GRIK4: variants seen among roughly 807,000 people sequenced by gnomAD.
The protein encoded by GRIK4 is glutamate ionotropic receptor kainate type subunit 4.
In GRIK4, 40 loss-of-function variants were observed where a neutral mutation model predicts 104.9. That is an observed-to-expected ratio of 0.38 (90% CI 0.30 to 0.50). GRIK4 has a LOEUF of 0.50. Among genes scored for constraint, GRIK4 ranks in the 20% least tolerant of loss-of-function variants. GRIK4 has a pLI of 0.93. For synonymous variants in GRIK4, 485 were observed against 524.9 expected (o/e 0.92, Z 1.04); for missense variants, 1,047 against 1,308.1 (o/e 0.80, Z 3.08).
intron 11 of GRIK4, among the ~76,000 whole-genome samples, chr11:120,883,051 C>CTG (rs1955011616): frequency 6.6e-6 from 1 of 152,236 alleles, no homozygotes; most frequent in Admixed American, 6.5e-5. Context: ...GCTCCCTCTA[C>CTG]TGTAGCCTTT....
chr11:120,750,460 G>A (rs559826662), intron 3 of GRIK4, among the ~76,000 whole-genome samples: 83 of 146,650 alleles, frequency 5.7e-4, no homozygotes, highest in Admixed American at 1.6e-3. Flanking sequence ...TCCGCCTCCC[G>A]GATTCAAGTG....
intron 4 of GRIK4, among the ~76,000 whole-genome samples, chr11:120,814,049 A>G (rs1217598931): frequency 6.6e-6 from 1 of 152,066 alleles, no homozygotes; most frequent in Non-Finnish European, 1.5e-5. Flanking sequence ...CCCTCCTCTG[A>G]TTACACATCC....
intron 1 of GRIK4, among the ~76,000 whole-genome samples, chr11:120,628,472 C>T (rs1354176784): frequency 6.6e-6 from 1 of 152,228 alleles, no homozygotes; most frequent in Non-Finnish European, 1.5e-5. Context: ...AGACACCCAT[C>T]TGGGTAAAAA....
chr11:120,620,040 A>G, intron 1 of GRIK4: 1 of 617,800 alleles, frequency 1.6e-6, no homozygotes, highest in Non-Finnish European at 3.0e-6. Context: ...TGTGTGTAAA[A>G]TACGTGCATA....
In GRIK4 at chr11:120,967,029, T is replaced by C. The variant is rs971626031; in HGVS notation, c.2267-166T>C. ...CTCTTCCGGGGGAGCCCCAGTGGAG[T>C]AGACAGCACTGGCCCCATGGGCTCG... On this transcript the variant is annotated intron_variant, in intron 18 of 20. Transcript: ENST00000527524. The surrounding 1 kb of genome is among the most constrained non-coding windows in gnomAD (Gnocchi z 4.2). Among the ~76,000 whole-genome samples the C allele has an allele frequency of 1.3e-5, 2 of 151,856 alleles. No homozygotes were observed. Among genetic ancestry groups the C allele is most frequent in the African/African-American group, 4.8e-5 (2 of 41,324 alleles).
intron 19 of GRIK4, among the ~76,000 whole-genome samples, chr11:120,968,025 C>T (rs1358066798): frequency 6.6e-6 from 1 of 152,170 alleles, no homozygotes; most frequent in Non-Finnish European, 1.5e-5. Context: ...GTTTACTTTC[C>T]ACTTCCTCTA....
intron 1 of GRIK4, among the ~76,000 whole-genome samples, chr11:120,516,544 A>C (rs1947726968): frequency 1.3e-5 from 2 of 151,900 alleles, no homozygotes; most frequent in African/African-American, 4.8e-5. Flanking sequence ...GCCACCAAAC[A>C]GAGAAGGCTC....
At chr11:120,722,708 G>A (rs1241028043) in intron 3 of GRIK4, among the ~76,000 whole-genome samples, 2 of 152,150 alleles carry the variant, frequency 1.3e-5, no homozygotes, top group Admixed American at 6.5e-5. Flanking sequence ...AAAGGGACTG[G>A]AATTTCTTTC....
At chr11:120,740,676 T>C (rs940663248) in intron 3 of GRIK4, among the ~76,000 whole-genome samples, 1 of 152,210 alleles carries the variant, frequency 6.6e-6, no homozygotes, top group Non-Finnish European at 1.5e-5. Context: ...CCCCAGTCTC[T>C]GTGCTCCCAT....
At chr11:120,938,572 A>G (rs939913350) in intron 13 of GRIK4, among the ~76,000 whole-genome samples, 1 of 152,210 alleles carries the variant, frequency 6.6e-6, no homozygotes, top group African/African-American at 2.4e-5. Flanking sequence ...TACACAAATC[A>G]TAATTCCCTT....
At chr11:120,684,996 C>T (rs925694687) in intron 3 of GRIK4, among the ~76,000 whole-genome samples, 14 of 152,204 alleles carry the variant, frequency 9.2e-5, no homozygotes, top group Non-Finnish European at 4.4e-5. Context: ...CACACCTGGC[C>T]ATAAAGGTGC....
chr11:120,539,369 C>T (rs188205795), intron 1 of GRIK4, among the ~76,000 whole-genome samples: 9 of 152,328 alleles, frequency 5.9e-5, no homozygotes, highest in Admixed American at 2.6e-4. Context: ...CAAATGATAA[C>T]GATCCCTTAT....
At chr11:120,921,888 A>G (rs533607978) in intron 13 of GRIK4, among the ~76,000 whole-genome samples, 4 of 152,222 alleles carry the variant, frequency 2.6e-5, no homozygotes, top group African/African-American at 7.2e-5. Flanking sequence ...TAACACCCAC[A>G]CATCTATGGT....
chr11:120,546,999 T>C (rs1439513114), intron 1 of GRIK4, among the ~76,000 whole-genome samples: 1 of 152,242 alleles, frequency 6.6e-6, no homozygotes, highest in African/African-American at 2.4e-5. Flanking sequence ...AGCTTAAGCC[T>C]CGTGCATGCA....
At chr11:120,871,403 G>C (rs1592014177) in intron 9 of GRIK4, 1 of 352,160 alleles carries the variant, frequency 2.8e-6, no homozygotes. Context: ...ATCAAATGAA[G>C]AAGGAGCTGA....
In GRIK4 at chr11:120,953,669, T is replaced by A. The variant is rs1296046955; in HGVS notation, c.1700+705T>A. On this transcript the variant is annotated intron_variant, in intron 15 of 20. Coordinates refer to ENST00000527524, the MANE Select transcript of GRIK4 (RefSeq NM_014619.5). The surrounding 1 kb of genome is among the most constrained non-coding windows in gnomAD (Gnocchi z 4.9). ...GAAACCAGGGGCTGCCCTGGCCCTTTGGAAAAACCTGAGGAGCAGCCTGAG... is the reference window on the plus strand; with the variant it reads ...GAAACCAGGGGCTGCCCTGGCCCTTAGGAAAAACCTGAGGAGCAGCCTGAG... Among the ~76,000 whole-genome samples the A allele has an allele frequency of 6.6e-6, 1 of 152,186 alleles. No homozygotes were observed. Among genetic ancestry groups the A allele is most frequent in the Non-Finnish European group, 1.5e-5 (1 of 68,016 alleles).
At chr11:120,975,106 G>A (rs1375987795) in intron 19 of GRIK4, among the ~76,000 whole-genome samples, 1 of 152,176 alleles carries the variant, frequency 6.6e-6, no homozygotes, top group African/African-American at 2.4e-5. Flanking sequence ...TACATCACCA[G>A]GCTGTGAAAA....
chr11:120,655,508 G>C (rs1196226447), intron 2 of GRIK4, among the ~76,000 whole-genome samples: 1 of 152,182 alleles, frequency 6.6e-6, no homozygotes, highest in Non-Finnish European at 1.5e-5. Flanking sequence ...AGACTTCAGG[G>C]CAGGAGTGTG....
At chr11:120,630,718 A>G (rs553623935) in intron 1 of GRIK4, among the ~76,000 whole-genome samples, 2 of 152,320 alleles carry the variant, frequency 1.3e-5, no homozygotes, top group African/African-American at 4.8e-5. Flanking sequence ...GTCTACTTCA[A>G]AACTACTTTT....
Sources: allele counts gnomAD v4.1 joint callset (sites outside exome capture counted in the v4.1 genomes callset), GRCh38; gene constraint gnomAD v4.1.1; non-coding constraint Gnocchi (gnomAD v3.1); transcripts MANE v1.5; gene names NCBI Gene and HGNC (gene_info 2026-07-23, HGNC 2026-07-21).